The following NRGN variants were observed in gnomAD, a reference collection of about 807,000 sequenced individuals.
NRGN encodes the protein calmodulin-binding protein.
For missense variants in NRGN, 82 were observed against 123.0 expected, an observed-to-expected ratio of 0.67 and a Z score of 1.58; for synonymous variants, 47 against 52.8, an observed-to-expected ratio of 0.89 and a Z score of 0.47.
chr11:124,740,569 T>G lies in NRGN; in HGVS notation c.15+470T>G, dbSNP rs1395771673. Among the ~76,000 whole-genome samples the G allele has an allele frequency of 6.6e-6, 1 of 152,358 alleles. No homozygotes were observed. Among genetic ancestry groups the G allele is most frequent in the African/African-American group, 2.4e-5 (1 of 41,584 alleles). On this transcript the variant is annotated intron_variant, in intron 1 of 3. Transcript: ENST00000284292. The surrounding 1 kb of genome is among the most constrained non-coding windows in gnomAD (Gnocchi z 7.5). ...CTCCAACGATCGCCTAAGCGCCCTG[T>G]GCAGCGCAGGCTGGTCCATATTGGT...
In NRGN at chr11:124,745,337, C is replaced by A. The variant is rs1943999786; in HGVS notation, c.16-166C>A. 6.6e-6 allele frequency among the ~76,000 whole-genome samples: 1 copy of A among 152,028 alleles called. No homozygotes were observed. The highest frequency in any genetic ancestry group is 2.4e-5 in the African/African-American group (1 of 41,362). On this transcript the variant is annotated intron_variant, in intron 1 of 3. Coordinates refer to ENST00000284292, the MANE Select transcript of NRGN (RefSeq NM_006176.3). This position sits in a 1 kb window ranked among gnomAD's most constrained non-coding sequence, Gnocchi z 6.4. ...CCTTCTTCGCCTGTCGCTGCCCATG[C>A]CCCAGTGAGTGTCCCTGCCATAGCC...
intron 1 of NRGN, among the ~76,000 whole-genome samples, chr11:124,741,143 C>T (rs778126773): frequency 1.3e-5 from 2 of 152,172 alleles, no homozygotes; most frequent in East Asian, 1.9e-4. Flanking sequence ...GTGGTGGTTG[C>T]GATTTTAACT....
chr11:124,741,310 C>A (rs749734939), intron 1 of NRGN, among the ~76,000 whole-genome samples: 1 of 152,202 alleles, frequency 6.6e-6, no homozygotes, highest in Non-Finnish European at 1.5e-5. Flanking sequence ...AAGCATGACT[C>A]CTAACTGTGG....
In NRGN at chr11:124,740,158, A is replaced by C. The variant is rs1195612892; in HGVS notation, c.15+59A>C. 1 of 1,247,006 alleles carries C rather than the reference A, an allele frequency of 8.0e-7. No individual in the cohort carries two copies. The highest frequency in any genetic ancestry group is 1.0e-6 in the Non-Finnish European group (1 of 968,382). 77.2% of individuals were successfully genotyped at this position (1,247,006 alleles called of 1,614,324 possible). ...CGGGGTCCGCTGCGAGAGGCGCCTG[A>C]GAAAGCCCTGGAGGGCGAGAGAGGG... On this transcript the variant is annotated intron_variant, in intron 1 of 3. Coordinates refer to ENST00000284292, the MANE Select transcript of NRGN (RefSeq NM_006176.3). This position sits in a 1 kb window ranked among gnomAD's most constrained non-coding sequence, Gnocchi z 7.5.
rs1944005238 is a variant in NRGN, at chr11:124,745,836, C to A, written c.*5+107C>A. ...GGAGGTGCAGGGGGCGTGGAGGGAG[C>A]TAAGGGTTGGGGGATAGAAATCCGA... On this transcript the variant is annotated intron_variant, in intron 2 of 3. Coordinates refer to ENST00000284292, the MANE Select transcript of NRGN (RefSeq NM_006176.3). The surrounding 1 kb of genome is among the most constrained non-coding windows in gnomAD (Gnocchi z 6.4). The A allele has an allele frequency of 3.8e-6, 2 of 532,058 alleles. No individual in the cohort carries two copies. Among genetic ancestry groups the A allele is most frequent in the Non-Finnish European group, 2.9e-6 (1 of 340,214 alleles). 33.0% of individuals were successfully genotyped at this position (532,058 alleles called of 1,614,324 possible).
chr11:124,743,794 C>T (rs929089282), intron 1 of NRGN, among the ~76,000 whole-genome samples: 1 of 150,710 alleles, frequency 6.6e-6, no homozygotes, highest in African/African-American at 2.5e-5. Context: ...TGGATGATGG[C>T]AGGGAGAGCT....
rs774248515 is a variant in NRGN at position 124,745,814 on chromosome 11, G to A, written c.*5+85G>A. 1 of 702,672 alleles carries A rather than the reference G, an allele frequency of 1.4e-6. No individual in the cohort carries two copies. The highest frequency in any genetic ancestry group is 3.5e-5 in the East Asian group (1 of 28,596). The allele number at this position is 702,672 out of a possible 1,614,324, so 43.5% of individuals were successfully genotyped here. On this transcript the variant is annotated intron_variant, in intron 2 of 3. Transcript: ENST00000284292. The surrounding 1 kb of genome is among the most constrained non-coding windows in gnomAD (Gnocchi z 6.4). ...AGGGGGAGAATAAGGGCGGGTTGGAGGTGCAGGGGGCGTGGAGGGAGCTAA... is the reference window on the plus strand; with the variant it reads ...AGGGGGAGAATAAGGGCGGGTTGGAAGTGCAGGGGGCGTGGAGGGAGCTAA...
chr11:124,747,022 A>C lies in NRGN; in HGVS notation c.*642A>C, dbSNP rs745648248. 5 of 152,922 alleles carry C rather than the reference A, an allele frequency of 3.3e-5. No individual in the cohort carries two copies. The highest frequency in any genetic ancestry group is 4.8e-5 in the African/African-American group (2 of 41,336). 9.5% of individuals were successfully genotyped at this position (152,922 alleles called of 1,614,324 possible). A position where few individuals can be genotyped will look rare whatever the true frequency, so the allele number is the denominator to read the frequency against. ...GGCAGCCTCTCCAGCTCTCTTGTTT[A>C]TGCAAACGCCGAGCGCCTGGGAGGC... On this transcript the variant is annotated 3_prime_UTR_variant, in exon 4 of 4. Transcript: ENST00000284292.
At chr11:124,746,178 C>A (rs1370902239) in intron 3 of NRGN, 196 bp downstream of exon 3, 1 of 154,470 alleles carries the variant, frequency 6.5e-6, no homozygotes, top group African/African-American at 2.4e-5. Flanking sequence ...TGCGCAGCCA[C>A]CCCATTTGGC....
Position 124,746,394 on chromosome 11 carries a change from C to A in NRGN, c.*24-10C>A, listed in dbSNP as rs1475079303. The A allele has an allele frequency of 6.6e-6, 1 of 152,670 alleles. No homozygotes were observed. The highest frequency in any genetic ancestry group is 1.5e-5 in the Non-Finnish European group (1 of 68,076). The allele number at this position is 152,670 out of a possible 1,614,324, so 9.5% of individuals were successfully genotyped here. On this transcript the variant is annotated splice_polypyrimidine_tract_variant and intron_variant, in intron 3 of 3. Transcript: ENST00000284292. ...AAGAGGGCAGGTTCTCAGACCTTTTCTCTCCTCAGTTCCCGAGGAGAGATG... is the reference window on the plus strand; with the variant it reads ...AAGAGGGCAGGTTCTCAGACCTTTTATCTCCTCAGTTCCCGAGGAGAGATG...
At position 124,745,464 on chromosome 11, in the gene NRGN, C is replaced by T. The variant is rs1422774746; in HGVS notation, c.16-39C>T. On this transcript the variant is annotated intron_variant, in intron 1 of 3. Coordinates refer to ENST00000284292, the MANE Select transcript of NRGN (RefSeq NM_006176.3). The surrounding 1 kb of genome is among the most constrained non-coding windows in gnomAD (Gnocchi z 6.4). Reference sequence around the variant, plus strand: ...CCTACCCCACTCCCGCGGATCAAGACCCAGTGACCCCACAAGAACCCCCCT... The same window carrying T: ...CCTACCCCACTCCCGCGGATCAAGATCCAGTGACCCCACAAGAACCCCCCT... 1 of 1,479,084 alleles carries T rather than the reference C, an allele frequency of 6.8e-7. No individual in the cohort carries two copies. Among genetic ancestry groups the T allele is most frequent in the South Asian group, 1.3e-5 (1 of 79,778 alleles). 91.6% of individuals were successfully genotyped at this position (1,479,084 alleles called of 1,614,324 possible).
rs1028630713 is a variant in NRGN at position 124,745,321 on chromosome 11, C to T, written c.16-182C>T. Among the ~76,000 whole-genome samples the T allele has an allele frequency of 2.6e-5, 4 of 152,148 alleles. No individual in the cohort carries two copies. Among genetic ancestry groups the T allele is most frequent in the Non-Finnish European group, 5.9e-5 (4 of 68,018 alleles). ...TCCACCTGGCCCTGAACCTTCTTCG[C>T]CTGTCGCTGCCCATGCCCCAGTGAG... On this transcript the variant is annotated intron_variant, in intron 1 of 3. Coordinates refer to ENST00000284292, the MANE Select transcript of NRGN (RefSeq NM_006176.3). The surrounding 1 kb of genome is among the most constrained non-coding windows in gnomAD (Gnocchi z 6.4).
chr11:124,743,410 C>T (rs1943982150), intron 1 of NRGN, among the ~76,000 whole-genome samples: 3 of 152,186 alleles, frequency 2.0e-5, no homozygotes. Context: ...CTGAGGATAT[C>T]CCAAGAAAGA....
In NRGN at chr11:124,740,187, G is replaced by C; in HGVS notation, c.15+88G>C. The C allele has an allele frequency of 1.0e-6, 1 of 997,182 alleles. No individual in the cohort carries two copies. Among genetic ancestry groups the C allele is most frequent in the East Asian group, 3.2e-5 (1 of 31,316 alleles). The allele number at this position is 997,182 out of a possible 1,614,324, so 61.8% of individuals were successfully genotyped here. ...AGCCCTGGAGGGCGAGAGAGGGATG[G>C]AAGTGGATGCGGAAGACCTAGGAGC... On this transcript the variant is annotated intron_variant, in intron 1 of 3. Transcript: ENST00000284292. The surrounding 1 kb of genome is among the most constrained non-coding windows in gnomAD (Gnocchi z 7.5).
In NRGN at chr11:124,745,857, T is replaced by A; in HGVS notation, c.*6-108T>A. The A allele has an allele frequency of 2.3e-6, 1 of 429,548 alleles. No homozygotes were observed. The highest frequency in any genetic ancestry group is 3.9e-6 in the Non-Finnish European group (1 of 256,276). 26.6% of individuals were successfully genotyped at this position (429,548 alleles called of 1,614,324 possible). A position where few individuals can be genotyped will look rare whatever the true frequency, so the allele number is the denominator to read the frequency against. On this transcript the variant is annotated intron_variant, in intron 2 of 3. Transcript: ENST00000284292. This position sits in a 1 kb window ranked among gnomAD's most constrained non-coding sequence, Gnocchi z 6.4. ...GGAGCTAAGGGTTGGGGGATAGAAATCCGAGATGGGAGGTGGGTGGGAAGA... is the reference window on the plus strand; with the variant it reads ...GGAGCTAAGGGTTGGGGGATAGAAAACCGAGATGGGAGGTGGGTGGGAAGA...
At chr11:124,746,097 C>T (rs2134447439) in intron 3 of NRGN, 115 bp downstream of exon 3, 2 of 178,644 alleles carry the variant, frequency 1.1e-5, no homozygotes, top group African/African-American at 2.3e-5. Flanking sequence ...GAAAATGCAC[C>T]CTGCCCCTGC....
Position 124,745,530 on chromosome 11 carries a change from G to T in NRGN, c.43G>T (p.Asp15Tyr). ...GAACGCCTGCTCCAAGCCGGACGAC[G>T]ACATTCTAGACATCCCGCTGGACGA... Reference protein sequence around the residue: ...TENACSKPDDDILDIPLDDPG... With the variant: ...TENACSKPDDYILDIPLDDPG... Residue 15 changes from aspartate to tyrosine, a missense_variant, in exon 2 of 4, where the codon GAC (aspartate) becomes TAC (tyrosine). By Grantham distance (160) the Asp-to-Tyr change is radical (BLOSUM62 -3). Coordinates refer to ENST00000284292, the MANE Select transcript of NRGN (RefSeq NM_006176.3). The surrounding 1 kb of genome is among the most constrained non-coding windows in gnomAD (Gnocchi z 6.4). 12 of 1,599,910 alleles carry T rather than the reference G, an allele frequency of 7.5e-6. No individual in the cohort carries two copies. Among genetic ancestry groups the T allele is most frequent in the Non-Finnish European group, 1.0e-5 (12 of 1,174,740 alleles).
chr11:124,742,943 C>A (rs1943977916), intron 1 of NRGN, among the ~76,000 whole-genome samples: 1 of 152,202 alleles, frequency 6.6e-6, no homozygotes. Flanking sequence ...CCCCACTTTG[C>A]TGACCAGGGC....
At chr11:124,741,260 A>G (rs1358546260) in intron 1 of NRGN, among the ~76,000 whole-genome samples, 1 of 152,326 alleles carries the variant, frequency 6.6e-6, no homozygotes, top group East Asian at 1.9e-4. Flanking sequence ...TATTTCACAG[A>G]TGTGCCAACT....
Sources: allele counts gnomAD v4.1 joint callset (sites outside exome capture counted in the v4.1 genomes callset), GRCh38; gene constraint gnomAD v4.1.1; non-coding constraint Gnocchi (gnomAD v3.1); transcripts MANE v1.5; gene names NCBI Gene and HGNC (gene_info 2026-07-23, HGNC 2026-07-21).